Variants in CHMP4B observed in about 807,000 individuals in gnomAD.
The protein encoded by CHMP4B is charged multivesicular body protein 4B.
In CHMP4B, 1 loss-of-function variant was observed where a neutral mutation model predicts 25.1. The ratio of observed to expected loss-of-function variants is 0.04; its 90% CI spans 0.01 to 0.19. The LOEUF (loss-of-function observed/expected upper bound fraction) is 0.19. Among genes scored for constraint, CHMP4B ranks in the 10% least tolerant of loss-of-function variants. The pLI is 1.00. For synonymous variants in CHMP4B, 101 were observed against 115.6 expected (o/e 0.87, Z 0.81); for missense variants, 151 against 289.7 (o/e 0.52, Z 3.48).
intron 1 of CHMP4B, among the ~76,000 whole-genome samples, chr20:33,843,185 A>G (rs1298903417): frequency 6.6e-6 from 1 of 152,188 alleles, no homozygotes; most frequent in Non-Finnish European, 1.5e-5. Context: ...GGGCTAATGA[A>G]GCAACTGTCT....
At chr20:33,814,702 C>G (rs1031605796) in intron 1 of CHMP4B, among the ~76,000 whole-genome samples, 1 of 152,102 alleles carries the variant, frequency 6.6e-6, no homozygotes, top group Non-Finnish European at 1.5e-5. Context: ...ACATCCAGGC[C>G]GAAGTGCAGT....
chr20:33,851,935 A>T, intron 3 of CHMP4B, 142 bp from the exon 4 acceptor site: 4 of 1,047,392 alleles, frequency 3.8e-6, no homozygotes, highest in Non-Finnish European at 5.9e-6. Flanking sequence ...TTTGAATCAC[A>T]GGGTCTGGAA....
chr20:33,818,991 C>A (rs1005426555), intron 1 of CHMP4B, among the ~76,000 whole-genome samples: 1 of 152,050 alleles, frequency 6.6e-6, no homozygotes, highest in African/African-American at 2.4e-5. Flanking sequence ...CTCACTGCAA[C>A]CTCTGCCTCC....
chr20:33,851,776 C>T (rs113503243), intron 3 of CHMP4B, among the ~76,000 whole-genome samples: 360 of 152,302 alleles, frequency 2.4e-3, no homozygotes, highest in Middle Eastern at 6.8e-3. Context: ...TGAGCATTCA[C>T]TCGTGTGCCC....
chr20:33,847,982 T>C (rs538171846), intron 1 of CHMP4B, among the ~76,000 whole-genome samples: 2 of 152,294 alleles, frequency 1.3e-5, no homozygotes, highest in South Asian at 4.1e-4. Context: ...TTAATTTAGG[T>C]GGCATAAAAT....
intron 1 of CHMP4B, among the ~76,000 whole-genome samples, chr20:33,846,685 T>C (rs1979698109): frequency 6.6e-6 from 1 of 152,168 alleles, no homozygotes; most frequent in Non-Finnish European, 1.5e-5. Context: ...GCATGGGACC[T>C]ATTCATGTGA....
At chr20:33,841,009 G>T (rs1195087393) in intron 1 of CHMP4B, among the ~76,000 whole-genome samples, 1 of 152,176 alleles carries the variant, frequency 6.6e-6, no homozygotes, top group Non-Finnish European at 1.5e-5. Context: ...AAGCTTGTTT[G>T]ACTGCAGAGT....
chr20:33,815,181 G>A (rs185840962), intron 1 of CHMP4B, among the ~76,000 whole-genome samples: 83 of 152,260 alleles, frequency 5.5e-4, no homozygotes, highest in African/African-American at 2.0e-3. Context: ...CACAAATCAG[G>A]GTACTAGTAT....
intron 4 of CHMP4B, 128 bp downstream of exon 4, chr20:33,852,331 T>G (rs1229622694): frequency 9.0e-7 from 1 of 1,106,734 alleles, no homozygotes; most frequent in Non-Finnish European, 1.4e-6. Flanking sequence ...TGTCCTGAGC[T>G]TGCCCAAGAT....
intron 1 of CHMP4B, among the ~76,000 whole-genome samples, chr20:33,838,296 T>A (rs1190182038): frequency 6.6e-6 from 1 of 152,176 alleles, no homozygotes; most frequent in Non-Finnish European, 1.5e-5. Context: ...GTAAGATTAG[T>A]GTCAGGTGTT....
At chr20:33,842,132 TCTTA>T (rs1979560336) in intron 1 of CHMP4B, among the ~76,000 whole-genome samples, 4 of 152,240 alleles carry the variant, frequency 2.6e-5, no homozygotes, top group East Asian at 1.9e-4. Flanking sequence ...TGATCGTAAC[TCTTA>T]CTTAGTCAAA....
chr20:33,846,153 A>G (rs1029044824), intron 1 of CHMP4B, among the ~76,000 whole-genome samples: 2 of 152,190 alleles, frequency 1.3e-5, no homozygotes, highest in African/African-American at 4.8e-5. Flanking sequence ...GGGGCATAAC[A>G]TAATGGCAGG....
intron 1 of CHMP4B, among the ~76,000 whole-genome samples, chr20:33,837,568 C>T (rs952320747): frequency 3.3e-5 from 5 of 152,042 alleles, no homozygotes; most frequent in Admixed American, 6.6e-5. Flanking sequence ...TGTAAGGAGA[C>T]GGAGGGTGAA....
At chr20:33,835,032 G>A (rs958382670) in intron 1 of CHMP4B, among the ~76,000 whole-genome samples, 1 of 152,122 alleles carries the variant, frequency 6.6e-6, no homozygotes, top group Non-Finnish European at 1.5e-5. Context: ...CTGACCTCAA[G>A]GGATCCGCCC....
intron 1 of CHMP4B, among the ~76,000 whole-genome samples, chr20:33,847,950 A>G (rs1979732795): frequency 6.6e-6 from 1 of 152,124 alleles, no homozygotes; most frequent in Non-Finnish European, 1.5e-5. Context: ...TATTTGATAT[A>G]GTCATTATAT....
intron 1 of CHMP4B, among the ~76,000 whole-genome samples, chr20:33,820,750 GAACTCAAA>G (rs1978916685): frequency 6.6e-6 from 1 of 152,130 alleles, no homozygotes; most frequent in African/African-American, 2.4e-5. Flanking sequence ...GAGCAGAAAG[GAACTCAAA>G]ATGTATGAGT....
chr20:33,837,990 C>G (rs1222016937), intron 1 of CHMP4B, among the ~76,000 whole-genome samples: 1 of 152,190 alleles, frequency 6.6e-6, no homozygotes, highest in Non-Finnish European at 1.5e-5. Flanking sequence ...GATGAGGAGT[C>G]TGAGGCCCTA....
At chr20:33,852,041 C>T (rs1191933712) in intron 3 of CHMP4B, 36 bp from the exon 4 acceptor site, 1 of 1,612,678 alleles carries the variant, frequency 6.2e-7, no homozygotes, top group Non-Finnish European at 8.5e-7. Flanking sequence ...CTGGGATTCC[C>T]AGGGAGGGCG....
intron 1 of CHMP4B, among the ~76,000 whole-genome samples, chr20:33,815,945 C>G (rs374505554): frequency 2.6e-5 from 4 of 152,152 alleles, no homozygotes; most frequent in African/African-American, 9.7e-5. Context: ...AGAAGTAAAG[C>G]AGAAACAGGC....
Sources: allele counts gnomAD v4.1 joint callset (sites outside exome capture counted in the v4.1 genomes callset), GRCh38; gene constraint gnomAD v4.1.1; transcripts MANE v1.5; gene names NCBI Gene and HGNC (gene_info 2026-07-23, HGNC 2026-07-21).